The following PRDM12 variants were observed in gnomAD, a reference collection of about 807,000 sequenced individuals.
PRDM12 encodes PR domain zinc finger protein 12.
A neutral mutation model predicts 29.6 loss-of-function variants in PRDM12; 17 were observed. The ratio of observed to expected loss-of-function variants is 0.57; its 90% CI spans 0.39 to 0.86. The LOEUF (loss-of-function observed/expected upper bound fraction) is 0.86. Ranked by LOEUF, PRDM12 falls within the 40% of genes least tolerant of loss-of-function variation. The pLI is 0.00. For synonymous variants in PRDM12, 231 were observed against 225.8 expected (o/e 1.02, Z -0.21); for missense variants, 422 against 510.8 (o/e 0.83, Z 1.68).
At chr9:130,679,257 C>A (rs1830871050) in intron 4 of PRDM12, among the ~76,000 whole-genome samples, 1 of 152,042 alleles carries the variant, frequency 6.6e-6, no homozygotes. Flanking sequence ...TTGGGCTAAA[C>A]CTTTGGCAGA....
rs1049529374 is a variant in PRDM12 at position 130,668,246 on chromosome 9, G to C, written c.503G>C (p.Arg168Pro). 1 of 1,614,074 alleles carries C rather than the reference G, an allele frequency of 6.2e-7. No homozygotes were observed. The highest frequency in any genetic ancestry group is 8.5e-7 in the Non-Finnish European group (1 of 1,180,052). ...RSWMTYIKCA[R>P]NEQEQNLEVV... Reference sequence around the variant, plus strand: ...TGGATGACCTACATCAAGTGTGCACGTAACGAACAGGAGCAGAACCTGGAG... The same window carrying C: ...TGGATGACCTACATCAAGTGTGCACCTAACGAACAGGAGCAGAACCTGGAG... The change falls in exon 3 of 5, where the codon CGT (arginine) becomes CCT (proline). Residue 168 changes from arginine to proline, a missense_variant. Physicochemically the swap from Arg to Pro is moderately radical, Grantham distance 103 (BLOSUM62 -2). Around this residue, in one of 5 missense-constraint regions of PRDM12, gnomAD observed 300 missense variants for 350.0 expected, o/e 0.86. Transcript: ENST00000253008. The surrounding 1 kb of genome is among the most constrained non-coding windows in gnomAD (Gnocchi z 4.0).
intron 4 of PRDM12, among the ~76,000 whole-genome samples, chr9:130,680,632 A>AT (rs1246642229): frequency 4.3e-4 from 33 of 77,294 alleles, no homozygotes; most frequent in Middle Eastern, 6.2e-3. Context: ...CTAAAAAAAA[A>AT]AAATATATAT....
At chr9:130,670,669 C>T (rs577514235) in intron 3 of PRDM12, among the ~76,000 whole-genome samples, 85 of 152,282 alleles carry the variant, frequency 5.6e-4, no homozygotes, top group African/African-American at 2.0e-3. Flanking sequence ...CCTCACCCCA[C>T]CACCCTCTGT....
At position 130,668,178 on chromosome 9, in the gene PRDM12, G is replaced by T; in HGVS notation, c.435G>T (p.Thr145=). 1 of 1,614,162 alleles carries T rather than the reference G, an allele frequency of 6.2e-7. No individual in the cohort carries two copies. Among genetic ancestry groups the T allele is most frequent in the Non-Finnish European group, 8.5e-7 (1 of 1,180,034 alleles). The change falls in exon 3 of 5, where the codon ACG becomes ACT. Residue 145 remains threonine, a synonymous_variant. Transcript: ENST00000253008. This position sits in a 1 kb window ranked among gnomAD's most constrained non-coding sequence, Gnocchi z 4.0. ...CCCAGGTGTTCAATGAGGATGGCAC[G>T]GTGCGCTACTTCATCGATGCCAGCC... ...LMWEVFNEDG[T]VRYFIDASQE... is the part of the protein sequence containing the mutation.
chr9:130,675,927 G>C (rs2132601061), intron 3 of PRDM12, among the ~76,000 whole-genome samples: 1 of 152,272 alleles, frequency 6.6e-6, no homozygotes, highest in East Asian at 1.9e-4. Context: ...TACAACCAGA[G>C]TCTTAGAGTT....
chr9:130,677,900 G>A (rs894242), intron 3 of PRDM12, among the ~76,000 whole-genome samples: 20,795 of 152,116 alleles, frequency 0.14, 2,037 homozygotes, highest in African/African-American at 0.28. Flanking sequence ...GCGGTGAACT[G>A]GACTCTGTGT....
chr9:130,679,330 CTTTTT>C (rs68186892), intron 4 of PRDM12, among the ~76,000 whole-genome samples: 10 of 116,526 alleles, frequency 8.6e-5, no homozygotes, highest in African/African-American at 3.1e-4. Flanking sequence ...TTCTTTCTTC[CTTTTT>C]TTTTTTTTTT....
chr9:130,677,728 T>C (rs1830856141), intron 3 of PRDM12, among the ~76,000 whole-genome samples: 1 of 152,168 alleles, frequency 6.6e-6, no homozygotes, highest in Admixed American at 6.5e-5. Context: ...GTGTGGCATT[T>C]ATGATCAGTG....
At chr9:130,676,055 C>T (rs186047635) in intron 3 of PRDM12, among the ~76,000 whole-genome samples, 9 of 152,298 alleles carry the variant, frequency 5.9e-5, no homozygotes, top group African/African-American at 1.9e-4. Context: ...TCATCTGCAC[C>T]ATCTCATAGA....
At chr9:130,679,173 C>G (rs1204313244) in intron 4 of PRDM12, among the ~76,000 whole-genome samples, 1 of 152,156 alleles carries the variant, frequency 6.6e-6, no homozygotes, top group African/African-American at 2.4e-5. Flanking sequence ...ACAGACTGTG[C>G]CTGTGTGTGT....
rs759474344 is a variant in PRDM12, at chr9:130,678,612, A to G, written c.654A>G (p.Leu218=). The change falls in exon 4 of 5, where the codon CTA becomes CTG. Residue 218 remains leucine, a synonymous_variant. Coordinates refer to ENST00000253008, the MANE Select transcript of PRDM12 (RefSeq NM_021619.3). ...TFLGIPGVPG[L]EEDQKKNKHE... is the part of the protein sequence containing the mutation. Reference sequence around the variant, plus strand: ...TGGGGATCCCAGGTGTGCCCGGGCTAGAGGAGGACCAGAAAAAGAACAAGC... The same window carrying G: ...TGGGGATCCCAGGTGTGCCCGGGCTGGAGGAGGACCAGAAAAAGAACAAGC... The G allele has an allele frequency of 6.2e-6, 10 of 1,612,230 alleles. No individual in the cohort carries two copies. The highest frequency in any genetic ancestry group is 1.3e-5 in the African/African-American group (1 of 74,838).
chr9:130,680,634 A>AAATATATATATATATATATATAT (rs1469778040), intron 4 of PRDM12, among the ~76,000 whole-genome samples: 4 of 88,538 alleles, frequency 4.5e-5, no homozygotes, highest in African/African-American at 1.1e-4. Flanking sequence ...AAAAAAAAAA[A>AAATATATATATATATATATATAT]ATATATATAT....
chr9:130,664,984 G>A lies in PRDM12; in HGVS notation c.223+108G>A, dbSNP rs553678426. 3 of 1,172,598 alleles carry A rather than the reference G, an allele frequency of 2.6e-6. No individual in the cohort carries two copies. Among genetic ancestry groups the A allele is most frequent in the African/African-American group, 3.1e-5 (2 of 64,192 alleles). The allele number at this position is 1,172,598 out of a possible 1,614,324, so 72.6% of individuals were successfully genotyped here. On this transcript the variant is annotated intron_variant, in intron 1 of 4. Coordinates refer to ENST00000253008, the MANE Select transcript of PRDM12 (RefSeq NM_021619.3). The surrounding 1 kb of genome is among the most constrained non-coding windows in gnomAD (Gnocchi z 6.4). Reference sequence around the variant, plus strand: ...GGGATACCCGGCCTCGCTGCTACTCGCGCCAACCTGGGCTCTCCCGGCGCT... The same window carrying A: ...GGGATACCCGGCCTCGCTGCTACTCACGCCAACCTGGGCTCTCCCGGCGCT...
intron 3 of PRDM12, among the ~76,000 whole-genome samples, chr9:130,677,328 C>T (rs139660948): frequency 2.8e-3 from 432 of 152,324 alleles, no homozygotes; most frequent in Admixed American, 6.0e-3. Context: ...CGCCAGAGTT[C>T]TGAGTGTGGG....
chr9:130,669,342 A>AATAAAT (rs1250676825), intron 3 of PRDM12, among the ~76,000 whole-genome samples: 4 of 151,332 alleles, frequency 2.6e-5, no homozygotes, highest in African/African-American at 7.3e-5. Context: ...TAAATAAATA[A>AATAAAT]ATAAATAAAA....
At chr9:130,674,010 C>CTTTTTTTTTTTT (rs35863613) in intron 3 of PRDM12, among the ~76,000 whole-genome samples, 55 of 71,850 alleles carry the variant, frequency 7.7e-4, no homozygotes, top group Non-Finnish European at 9.4e-4. Context: ...TTCTTTCTTT[C>CTTTTTTTTTTTT]TTTTTTTTTT....
chr9:130,664,827 C>T lies in PRDM12; in HGVS notation c.174C>T (p.Ser58=), dbSNP rs1385745600. 14 of 1,558,058 alleles carry T rather than the reference C, an allele frequency of 9.0e-6. No individual in the cohort carries two copies. In the South Asian group the frequency reaches 1.6e-4, roughly 18 times the overall value. Reference sequence around the variant, plus strand: ...TCGAGGACAAGAGCCACCACGCCAGCCCCAAGACAGCCTTCACCGCCGAGG... The same window carrying T: ...TCGAGGACAAGAGCCACCACGCCAGTCCCAAGACAGCCTTCACCGCCGAGG... ...QLFEDKSHHA[S]PKTAFTAEVL... The change falls in exon 1 of 5, where the codon AGC becomes AGT. Residue 58 remains serine (S), a synonymous_variant. Coordinates refer to ENST00000253008, the MANE Select transcript of PRDM12 (RefSeq NM_021619.3). This position sits in a 1 kb window ranked among gnomAD's most constrained non-coding sequence, Gnocchi z 6.4.
chr9:130,666,795 G>A lies in PRDM12; in HGVS notation c.411G>A (p.Trp137Ter). 6.2e-7 allele frequency: 1 copy of A among 1,603,196 alleles called. No individual in the cohort carries two copies. Among genetic ancestry groups the A allele is most frequent in the Non-Finnish European group, 8.5e-7 (1 of 1,173,782 alleles). The change falls in exon 2 of 5, where the codon TGG (tryptophan) becomes TGA (stop). Residue 137 changes from tryptophan (W) to a stop codon, truncating the protein, a stop_gained. Transcript: ENST00000253008. LOFTEE classifies it high-confidence loss of function. The part of the protein sequence containing the change: ...VDICKNNNLM[W>*]EVFNEDGTVR... ...TCTGCAAGAACAACAACCTCATGTG[G>A]GAGGTACGCGCGGGCTGGGGCAGAG...
rs1448069747 is a variant in PRDM12 at position 130,681,547 on chromosome 9, A to C, written c.982A>C (p.Thr328Pro). 4 of 1,265,872 alleles carry C rather than the reference A, an allele frequency of 3.2e-6. No individual in the cohort carries two copies. The African/African-American group carries it at 4.7e-5, about 15-fold the overall frequency. 78.4% of individuals were successfully genotyped at this position (1,265,872 alleles called of 1,614,324 possible). Residue 328 changes from threonine to proline, a missense_variant, in exon 5 of 5, where the codon ACC becomes CCC. This residue lies in a region of PRDM12 where 66 missense variants were observed against 61.5 expected (regional missense o/e 1.07). Transcript: ENST00000253008. This position sits in a 1 kb window ranked among gnomAD's most constrained non-coding sequence, Gnocchi z 8.1. ...GAGCGCGCGGCACCGGCCGCCCAGC[A>C]CCGCGCTGCAGGCACACTCGCCCGC... ...QKSARHRPPSTALQAHSPALP... is the reference protein window; with the variant it reads ...QKSARHRPPSPALQAHSPALP...
Sources: allele counts gnomAD v4.1 joint callset (sites outside exome capture counted in the v4.1 genomes callset), GRCh38; gene constraint gnomAD v4.1.1; regional missense constraint gnomAD v4.1.1; non-coding constraint Gnocchi (gnomAD v3.1); transcripts MANE v1.5; gene names NCBI Gene and HGNC (gene_info 2026-07-23, HGNC 2026-07-21).